DPH6: variants seen among roughly 807,000 people sequenced by gnomAD.
DPH6 encodes diphthine--ammonia ligase.
A neutral mutation model predicts 38.2 loss-of-function variants in DPH6; 33 were observed. The observed-to-expected ratio is 0.86, with a 90% CI of 0.65 to 1.15. The LOEUF is 1.15. DPH6 is among the 50% of genes most tolerant of loss of function. The pLI is 0.00. For synonymous variants in DPH6, 108 were observed against 103.0 expected, an observed-to-expected ratio of 1.05 and a Z score of -0.30; for missense variants, 325 against 320.0, an observed-to-expected ratio of 1.02 and a Z score of -0.12.
At chr15:35,244,335 C>G (rs1209884162) in intron 3 of DPH6, among the ~76,000 whole-genome samples, 2 of 152,186 alleles carry the variant, frequency 1.3e-5, no homozygotes, top group Non-Finnish European at 2.9e-5. Context: ...TAGGCTTTCT[C>G]TATAGCACGT....
At chr15:35,418,091 T>C (rs2053458048) in intron 5 of DPH6, among the ~76,000 whole-genome samples, 1 of 152,092 alleles carries the variant, frequency 6.6e-6, no homozygotes, top group African/African-American at 2.4e-5. Context: ...AGGTGTCTCT[T>C]TTCTAGTAAA....
chr15:35,170,853 T>C, the DPH6 span, among the ~76,000 whole-genome samples: 5 of 152,168 alleles, frequency 3.3e-5, no homozygotes, highest in Admixed American at 6.6e-5. Context: ...TATGTTATTC[T>C]CTCTCTCTGA....
At chr15:35,354,740 CTCT>C (rs1197852604) in intron 3 of DPH6, among the ~76,000 whole-genome samples, 1 of 152,054 alleles carries the variant, frequency 6.6e-6, no homozygotes, top group Admixed American at 6.6e-5. Flanking sequence ...GTCTAAAATT[CTCT>C]TTTTTTTGTT....
intron 3 of DPH6, among the ~76,000 whole-genome samples, chr15:35,479,257 A>G (rs2054298981): frequency 6.6e-6 from 1 of 152,068 alleles, no homozygotes; most frequent in Non-Finnish European, 1.5e-5. Flanking sequence ...AATATCACAG[A>G]CCCATATAAA....
chr15:35,442,393 G>A (rs1017901552), intron 5 of DPH6, among the ~76,000 whole-genome samples: 2 of 152,174 alleles, frequency 1.3e-5, no homozygotes, highest in African/African-American at 4.8e-5. Context: ...TGGCTAGGAT[G>A]TGAAAACCTG....
intron 3 of DPH6, among the ~76,000 whole-genome samples, chr15:35,495,935 G>A (rs2054543314): frequency 6.6e-6 from 1 of 152,180 alleles, no homozygotes; most frequent in Non-Finnish European, 1.5e-5. Flanking sequence ...TGACAAAGAT[G>A]AGAACATGGT....
intron 3 of DPH6, among the ~76,000 whole-genome samples, chr15:35,305,977 G>T (rs1245847401): frequency 6.6e-6 from 1 of 152,118 alleles, no homozygotes; most frequent in Non-Finnish European, 1.5e-5. Context: ...TTTCAAAACT[G>T]CTCATCTTTT....
intron 3 of DPH6, among the ~76,000 whole-genome samples, chr15:35,355,620 C>G (rs2052552784): frequency 1.3e-5 from 2 of 152,222 alleles, no homozygotes; most frequent in African/African-American, 4.8e-5. Context: ...GGCCCCCACT[C>G]TCTTCTGGCT....
downstream of DPH6, among the ~76,000 whole-genome samples, chr15:35,370,599 A>T (rs760749187): frequency 1.3e-5 from 2 of 151,790 alleles, no homozygotes; most frequent in Non-Finnish European, 3.0e-5. Flanking sequence ...AACATCACAT[A>T]TCTTTAGGTA....
intron 6 of DPH6, among the ~76,000 whole-genome samples, chr15:35,407,269 G>A (rs2053306965): frequency 6.6e-6 from 1 of 151,736 alleles, no homozygotes; most frequent in African/African-American, 2.4e-5. Flanking sequence ...TTTAAAGAAG[G>A]TTTCCAGTGA....
At chr15:35,275,593 C>T (rs1595457263) in intron 3 of DPH6, among the ~76,000 whole-genome samples, 1 of 152,032 alleles carries the variant, frequency 6.6e-6, no homozygotes, top group East Asian at 1.9e-4. Flanking sequence ...GGACAAATAC[C>T]TAATGCATGC....
intron 3 of DPH6, among the ~76,000 whole-genome samples, chr15:35,523,923 T>C (rs1310629799): frequency 6.6e-6 from 1 of 152,028 alleles, no homozygotes; most frequent in Non-Finnish European, 1.5e-5. Flanking sequence ...AATACCCAAA[T>C]TACTAATTCC....
chr15:35,145,631 C>G, the DPH6 span, among the ~76,000 whole-genome samples: 1 of 152,154 alleles, frequency 6.6e-6, no homozygotes, highest in African/African-American at 2.4e-5. Context: ...TGTCAAAATT[C>G]TTCTGCCATT....
At chr15:35,453,947 T>C (rs1415534874) in intron 4 of DPH6, among the ~76,000 whole-genome samples, 1 of 152,064 alleles carries the variant, frequency 6.6e-6, no homozygotes, top group African/African-American at 2.4e-5. Context: ...AAATCACTTA[T>C]TTGTAGGTCA....
chr15:35,518,100 G>A (rs988238148), intron 3 of DPH6, among the ~76,000 whole-genome samples: 4 of 152,004 alleles, frequency 2.6e-5, no homozygotes, highest in African/African-American at 9.7e-5. Flanking sequence ...AAAGAATTCT[G>A]TATTCAGCAC....
At chr15:35,247,914 A>C (rs1252439129) in intron 3 of DPH6, among the ~76,000 whole-genome samples, 1 of 152,224 alleles carries the variant, frequency 6.6e-6, no homozygotes, top group Admixed American at 6.5e-5. Context: ...TTACAGAGCC[A>C]AGCCTGGAAC....
In DPH6 at chr15:35,487,660, T is replaced by C. The variant is rs58113998; in HGVS notation, c.313-32840A>G. Among the ~76,000 whole-genome samples, 473 of 152,374 alleles carry C rather than the reference T, an allele frequency of 3.1e-3. 3 individuals are homozygous for C. In the East Asian group the frequency reaches 0.035, roughly 11 times the overall value. On this transcript the variant is annotated intron_variant, in intron 3 of 8. Coordinates refer to ENST00000256538, the MANE Select transcript of DPH6 (RefSeq NM_080650.4). ...CCTCCAGGCCTGTGATGGGAGGGGC[T>C]GCTGTGAAGATCTCTGACATGCCCT...
chr15:35,342,082 G>T (rs2052425947), intron 3 of DPH6, among the ~76,000 whole-genome samples: 1 of 152,222 alleles, frequency 6.6e-6, no homozygotes, highest in Admixed American at 6.5e-5. Flanking sequence ...AAGCCAGTGA[G>T]TCTTAACTTG....
chr15:35,150,527 T>C, the DPH6 span, among the ~76,000 whole-genome samples: 17 of 152,200 alleles, frequency 1.1e-4, no homozygotes, highest in Admixed American at 1.1e-3. Context: ...TATTTGGCCA[T>C]GGATCATGGG....
Sources: gnomAD v4.1 joint callset for allele counts (sites outside exome capture counted in the v4.1 genomes callset) on GRCh38, gnomAD v4.1.1 for gene constraint, MANE v1.5 for transcripts, NCBI Gene and HGNC (gene_info 2026-07-23, HGNC 2026-07-21) for gene names.